The following SCYL2 variants were observed in gnomAD, a reference collection of about 807,000 sequenced individuals.
SCYL2 encodes SCY1 like pseudokinase 2, also known as SCY1-like protein 2.
A neutral mutation model predicts 100.4 loss-of-function variants in SCYL2; 36 were observed. That is an observed-to-expected ratio of 0.36 (90% CI 0.27 to 0.47). The LOEUF (loss-of-function observed/expected upper bound fraction) is 0.47, where lower values mean the gene tolerates loss of function less well. Among genes scored for constraint, SCYL2 ranks in the 20% least tolerant of loss-of-function variants. SCYL2 has a pLI of 1.00. For missense variants in SCYL2, 902 were observed against 1,083.9 expected (o/e 0.83, Z 2.36); for synonymous variants, 330 against 359.2 (o/e 0.92, Z 0.92).
In SCYL2 at chr12:100,319,129, TC is replaced by T. The variant is rs1391152198; in HGVS notation, c.1395+1205del. 23 of 431,460 alleles carry T rather than the reference TC, an allele frequency of 5.3e-5. No homozygotes were observed. In the East Asian group the frequency reaches 1.4e-3, roughly 26 times the overall value. 26.7% of individuals were successfully genotyped at this position (431,460 alleles called of 1,614,324 possible). A position where few individuals can be genotyped will look rare whatever the true frequency, so the allele number is the denominator to read the frequency against. ...TGAACCTAATACTACATATTTAAGG[TC>T]ACTTTTTGGACTTAATTCAGTCTTT... On this transcript the variant is annotated intron_variant, in intron 10 of 17. Transcript: ENST00000360820.
intron 10 of SCYL2, among the ~76,000 whole-genome samples, chr12:100,322,297 C>G (rs1378576615): frequency 7.2e-6 from 1 of 139,104 alleles, no homozygotes; most frequent in Middle Eastern, 4.1e-3. Context: ...GGCGTGAACC[C>G]GGGAGGCGGA....
At chr12:100,287,086 C>A (rs2096305220) in intron 2 of SCYL2, among the ~76,000 whole-genome samples, 1 of 152,112 alleles carries the variant, frequency 6.6e-6, no homozygotes, top group Non-Finnish European at 1.5e-5. Context: ...AAATAGAGAT[C>A]TCAGGGAACA....
rs186351062 is a variant in SCYL2, at chr12:100,324,416, C to T, written c.1509+778C>T. Among the ~76,000 whole-genome samples, 1,209 of 152,198 alleles carry T rather than the reference C, an allele frequency of 7.9e-3. 14 individuals are homozygous for T. Among genetic ancestry groups the T allele is most frequent in the South Asian group, 0.055 (267 of 4,832 alleles). Reference sequence around the variant, plus strand: ...CTTGATATTGATTTTTGATAACGGACATATTATTAAATTTGCATTTTGTAA... The same window carrying T: ...CTTGATATTGATTTTTGATAACGGATATATTATTAAATTTGCATTTTGTAA... On this transcript the variant is annotated intron_variant, in intron 11 of 17. Coordinates refer to ENST00000360820, the MANE Select transcript of SCYL2 (RefSeq NM_017988.6).
intron 9 of SCYL2, chr12:100,317,559 G>A (rs1259426388): frequency 3.6e-6 from 3 of 826,958 alleles, no homozygotes; most frequent in Non-Finnish European, 5.1e-6. Flanking sequence ...GATTACTGTA[G>A]ATATGTGAGA....
intron 4 of SCYL2, among the ~76,000 whole-genome samples, chr12:100,305,583 C>T (rs1022376345): frequency 6.6e-6 from 1 of 151,816 alleles, no homozygotes; most frequent in Non-Finnish European, 1.5e-5. Context: ...CCTAACGTCA[C>T]AATTAAAAGA....
rs1440981286 is a variant in SCYL2 at position 100,339,475 on chromosome 12, A to C, written c.*303A>C. 6.4e-6 allele frequency: 2 copies of C among 313,028 alleles called. No individual in the cohort carries two copies. Among genetic ancestry groups the C allele is most frequent in the East Asian group, 1.4e-4 (2 of 14,324 alleles). 19.4% of individuals were successfully genotyped at this position (313,028 alleles called of 1,614,324 possible). A position where few individuals can be genotyped will look rare whatever the true frequency, so the allele number is the denominator to read the frequency against. ...TCTTGAATAACATAACTTTTTAATC[A>C]AATGTTTATTTTGGCTTGTGGATCT... On this transcript the variant is annotated 3_prime_UTR_variant, in exon 18 of 18. Transcript: ENST00000360820.
rs1952264104 is a variant in SCYL2 at position 100,335,529 on chromosome 12, T to C, written c.1863-96T>C. ...CTCTTCTTAAAGAGTTTAATTGGGG[T>C]CTAATAAATTCCATGTGAATAAATA... On this transcript the variant is annotated intron_variant, in intron 14 of 17. Coordinates refer to ENST00000360820, the MANE Select transcript of SCYL2 (RefSeq NM_017988.6). 4 of 817,976 alleles carry C rather than the reference T, an allele frequency of 4.9e-6. No individual in the cohort carries two copies. The East Asian group carries it at 7.7e-5, about 16-fold the overall frequency. 50.7% of individuals were successfully genotyped at this position (817,976 alleles called of 1,614,324 possible).
intron 4 of SCYL2, 45 bp from the exon 5 acceptor site, chr12:100,310,999 G>A (rs1286634984): frequency 9.8e-6 from 14 of 1,421,406 alleles, no homozygotes; most frequent in Non-Finnish European, 1.2e-5. Flanking sequence ...TATTATAATT[G>A]AAAGGAGTTT....
At chr12:100,330,291 T>TTTAA (rs975130578) in intron 13 of SCYL2, among the ~76,000 whole-genome samples, 11 of 152,128 alleles carry the variant, frequency 7.2e-5, no homozygotes, top group Admixed American at 7.2e-4. Flanking sequence ...TTTCAAGGTG[T>TTTAA]GGTAAATGTT....
intron 1 of SCYL2, among the ~76,000 whole-genome samples, chr12:100,274,737 G>A (rs2096290938): frequency 6.6e-6 from 1 of 152,178 alleles, no homozygotes; most frequent in Non-Finnish European, 1.5e-5. Context: ...AAGTGGTTAA[G>A]GAAAATCTTC....
At chr12:100,304,352 A>C (rs866848744) in intron 4 of SCYL2, among the ~76,000 whole-genome samples, 9 of 151,790 alleles carry the variant, frequency 5.9e-5, no homozygotes, top group Middle Eastern at 3.4e-3. Context: ...AACGGCGCCC[A>C]GTTTTGTGCT....
chr12:100,301,218 G>A (rs920704028), intron 4 of SCYL2, among the ~76,000 whole-genome samples: 2 of 152,178 alleles, frequency 1.3e-5, no homozygotes, highest in Non-Finnish European at 2.9e-5. Flanking sequence ...ATATCTCATT[G>A]TAGTTTTCAT....
chr12:100,269,043 C>T (rs2096284144), intron 1 of SCYL2, among the ~76,000 whole-genome samples: 1 of 152,184 alleles, frequency 6.6e-6, no homozygotes, highest in Non-Finnish European at 1.5e-5. Flanking sequence ...ACTGTGGTCT[C>T]CTGTAGTTTT....
chr12:100,316,085 AT>A (rs1225818485), intron 9 of SCYL2, among the ~76,000 whole-genome samples: 1 of 152,182 alleles, frequency 6.6e-6, no homozygotes, highest in Non-Finnish European at 1.5e-5. Flanking sequence ...ACTTTGAAGT[AT>A]TTGAAGTATT....
chr12:100,331,479 C>T (rs921929283), intron 13 of SCYL2, among the ~76,000 whole-genome samples: 6 of 151,868 alleles, frequency 4.0e-5, no homozygotes, highest in African/African-American at 1.2e-4. Flanking sequence ...TGGTGGTGTG[C>T]GCCTGTAGTC....
At chr12:100,274,491 C>A (rs1009723010) in intron 1 of SCYL2, among the ~76,000 whole-genome samples, 1 of 152,136 alleles carries the variant, frequency 6.6e-6, no homozygotes, top group African/African-American at 2.4e-5. Flanking sequence ...GGCGTGGGTT[C>A]TTGTTGTTAT....
Position 100,337,462 on chromosome 12 carries a change from C to G in SCYL2, c.2101C>G (p.Pro701Ala), listed in dbSNP as rs764484587. 2 of 1,612,216 alleles carry G rather than the reference C, an allele frequency of 1.2e-6. No homozygotes were observed. Among genetic ancestry groups the G allele is most frequent in the Non-Finnish European group, 1.7e-6 (2 of 1,179,464 alleles). The change falls in exon 17 of 18, where the codon CCT becomes GCT. Residue 701 changes from proline to alanine, a missense_variant. By Grantham distance (27) the Pro-to-Ala change is conservative. Transcript: ENST00000360820. ...EQAQKLKSQQ[P>A]LKPQVHTPVA... ...GGCACAGAAGCTGAAAAGCCAGCAGCCTCTTAAACCCCAAGTGCACACACC... is the reference window on the plus strand; with the variant it reads ...GGCACAGAAGCTGAAAAGCCAGCAGGCTCTTAAACCCCAAGTGCACACACC...
At chr12:100,322,372 CAAAAAAA>C (rs34959294) in intron 10 of SCYL2, among the ~76,000 whole-genome samples, 16 of 61,820 alleles carry the variant, frequency 2.6e-4, no homozygotes, top group African/African-American at 7.4e-4. Context: ...GACTCCGTCT[CAAAAAAA>C]AAAAAAAAAA....
At chr12:100,273,733 T>G (rs1226031991) in intron 1 of SCYL2, among the ~76,000 whole-genome samples, 1 of 152,192 alleles carries the variant, frequency 6.6e-6, no homozygotes, top group Non-Finnish European at 1.5e-5. Flanking sequence ...GGAATACTCC[T>G]TCCCCCCTTA....
Sources: gnomAD v4.1 joint callset for allele counts (sites outside exome capture counted in the v4.1 genomes callset) on GRCh38, gnomAD v4.1.1 for gene constraint, MANE v1.5 for transcripts, NCBI Gene and HGNC (gene_info 2026-07-23, HGNC 2026-07-21) for gene names.